KCNH1: variants seen among roughly 807,000 people sequenced by gnomAD.
KCNH1 encodes potassium voltage-gated channel subfamily H member 1, also known as voltage-gated delayed rectifier potassium channel KCNH1.
Under a neutral mutation model 69.2 loss-of-function variants are expected in KCNH1, and 27 were observed. The ratio of observed to expected loss-of-function variants is 0.39; its 90% CI spans 0.29 to 0.54. The LOEUF is 0.54. KCNH1 is among the 20% of genes least tolerant of loss of function. KCNH1 has a pLI of 0.68. For synonymous variants in KCNH1, 456 were observed against 487.7 expected, an observed-to-expected ratio of 0.93 and a Z score of 0.86; for missense variants, 798 against 1,261.6, an observed-to-expected ratio of 0.63 and a Z score of 5.57.
intron 7 of KCNH1, among the ~76,000 whole-genome samples, chr1:210,814,149 C>G (rs1684767586): frequency 6.6e-6 from 1 of 152,122 alleles, no homozygotes; most frequent in African/African-American, 2.4e-5. Context: ...GCTAGCAGAT[C>G]AATCCAGCAT....
chr1:211,101,316 TAC>T (rs112274416), intron 3 of KCNH1, among the ~76,000 whole-genome samples: 2 of 151,540 alleles, frequency 1.3e-5, no homozygotes, highest in East Asian at 3.9e-4. Context: ...AAAAAAACCA[TAC>T]ACACACACAC....
At chr1:210,957,693 T>C (rs1688205515) in intron 6 of KCNH1, among the ~76,000 whole-genome samples, 1 of 152,180 alleles carries the variant, frequency 6.6e-6, no homozygotes, top group African/African-American at 2.4e-5. Flanking sequence ...TCTTTTGATC[T>C]TTTTTGGTTT....
At chr1:210,750,299 T>C (rs1229625806) in intron 10 of KCNH1, among the ~76,000 whole-genome samples, 1 of 152,124 alleles carries the variant, frequency 6.6e-6, no homozygotes, top group East Asian at 1.9e-4. Flanking sequence ...TAAAGCAGAG[T>C]ACAGACGCTA....
intron 5 of KCNH1, among the ~76,000 whole-genome samples, chr1:211,033,551 T>C (rs995120581): frequency 3.3e-5 from 5 of 152,216 alleles, no homozygotes; most frequent in African/African-American, 1.2e-4. Context: ...TAAGAAAATG[T>C]GGCACATATA....
chr1:210,984,834 G>T (rs973507968), intron 6 of KCNH1, among the ~76,000 whole-genome samples: 13 of 152,188 alleles, frequency 8.5e-5, no homozygotes, highest in African/African-American at 3.1e-4. Flanking sequence ...TTTTTCTATT[G>T]ATTGGAATAG....
rs4951697 is a variant in KCNH1, at chr1:210,969,561, C to G, written c.1032+49222G>C. On this transcript the variant is annotated intron_variant, in intron 6 of 10. Coordinates refer to ENST00000271751, the MANE Select transcript of KCNH1 (RefSeq NM_172362.3). Reference sequence around the variant, plus strand: ...TTGGTCTAAGTTTTCAAACATACTGCTCTAAATGCTTAATTTTCTCTTACT... The same window carrying G: ...TTGGTCTAAGTTTTCAAACATACTGGTCTAAATGCTTAATTTTCTCTTACT... Among the ~76,000 whole-genome samples, 1,510 of 152,100 alleles carry G rather than the reference C, an allele frequency of 9.9e-3. 48 individuals are homozygous for G. The highest frequency in any genetic ancestry group is 0.054 in the East Asian group (281 of 5,174).
chr1:210,849,400 T>C (rs1357298090), intron 7 of KCNH1, among the ~76,000 whole-genome samples: 1 of 147,814 alleles, frequency 6.8e-6, no homozygotes, highest in African/African-American at 2.5e-5. Context: ...AGTTTTGCTC[T>C]TTTTTGCCCA....
chr1:210,924,254 T>C (rs577737135), intron 6 of KCNH1, among the ~76,000 whole-genome samples: 1 of 152,366 alleles, frequency 6.6e-6, no homozygotes, highest in East Asian at 1.9e-4. Context: ...ACATGCTACA[T>C]CAGCCCTAGG....
At chr1:210,917,966 T>C (rs1279393223) in intron 7 of KCNH1, among the ~76,000 whole-genome samples, 2 of 152,190 alleles carry the variant, frequency 1.3e-5, no homozygotes, top group African/African-American at 4.8e-5. Flanking sequence ...CAATTATCTC[T>C]ATTAAAACAC....
chr1:211,005,501 G>C (rs1689263785), intron 6 of KCNH1, among the ~76,000 whole-genome samples: 1 of 152,122 alleles, frequency 6.6e-6, no homozygotes. Context: ...CTGAAGACAA[G>C]TGAAGAAAGG....
chr1:210,857,369 T>G (rs1159909883), intron 7 of KCNH1, among the ~76,000 whole-genome samples: 2 of 152,120 alleles, frequency 1.3e-5, no homozygotes, highest in African/African-American at 4.8e-5. Context: ...ATTTTGTTTA[T>G]GCGTAAGGCC....
chr1:210,883,665 G>A (rs989721870), intron 7 of KCNH1, among the ~76,000 whole-genome samples: 1 of 152,214 alleles, frequency 6.6e-6, no homozygotes, highest in African/African-American at 2.4e-5. Flanking sequence ...GTGTTATTGA[G>A]AGGATTAAGA....
intron 6 of KCNH1, among the ~76,000 whole-genome samples, chr1:211,003,532 C>T (rs1689226677): frequency 6.6e-6 from 1 of 152,120 alleles, no homozygotes; most frequent in Non-Finnish European, 1.5e-5. Context: ...GCACTATCCC[C>T]TGCTGTTTCG....
At chr1:210,713,650 G>A (rs1178785052) in intron 10 of KCNH1, among the ~76,000 whole-genome samples, 1 of 152,142 alleles carries the variant, frequency 6.6e-6, no homozygotes, top group African/African-American at 2.4e-5. Flanking sequence ...CCATCCGTCT[G>A]CGATTTTTTC....
intron 1 of KCNH1, among the ~76,000 whole-genome samples, chr1:211,114,744 A>G (rs115522258): frequency 0.013 from 1,913 of 152,280 alleles, 46 homozygotes; most frequent in African/African-American, 0.044. Context: ...CCAAACATAA[A>G]TGACTCTGGG....
chr1:210,908,711 G>A (rs918554349), intron 7 of KCNH1, among the ~76,000 whole-genome samples: 6 of 152,202 alleles, frequency 3.9e-5, no homozygotes, highest in East Asian at 3.9e-4. Flanking sequence ...TAAGAAGGGG[G>A]CCCAGCCCTC....
intron 5 of KCNH1, among the ~76,000 whole-genome samples, chr1:211,033,142 C>A (rs1291027367): frequency 6.6e-6 from 1 of 152,124 alleles, no homozygotes. Context: ...ATTTATGCAG[C>A]CAAAAGACAC....
At chr1:210,996,468 G>C (rs573650321) in intron 6 of KCNH1, among the ~76,000 whole-genome samples, 1 of 152,346 alleles carries the variant, frequency 6.6e-6, no homozygotes, top group South Asian at 2.1e-4. Flanking sequence ...GCTTGATTAG[G>C]TAAACAAAGC....
In KCNH1 at chr1:210,683,864, G is replaced by T. The variant is rs770040641; in HGVS notation, c.2387C>A (p.Thr796Lys). The T allele has an allele frequency of 5.6e-6, 9 of 1,614,044 alleles. No homozygotes were observed. Among genetic ancestry groups the T allele is most frequent in the African/African-American group, 2.7e-5 (2 of 74,944 alleles). ...GGAGGCTGCCTGGAAGGATACGGGCGTGGCAGGACTCTCACGCACGGTGAC... is the reference window on the plus strand; with the variant it reads ...GGAGGCTGCCTGGAAGGATACGGGCTTGGCAGGACTCTCACGCACGGTGAC... ...SVVTVRESPA[T>K]PVSFQAASTS... Residue 796 changes from threonine to lysine, a missense_variant, in exon 11 of 11, where the codon ACG becomes AAG. Physicochemically the swap from Thr to Lys is moderately conservative, Grantham distance 78 (BLOSUM62 -1). Around this residue, in one of 4 missense-constraint regions of KCNH1, gnomAD observed 331 missense variants for 363.2 expected, o/e 0.91. Coordinates refer to ENST00000271751, the MANE Select transcript of KCNH1 (RefSeq NM_172362.3). This position sits in a 1 kb window ranked among gnomAD's most constrained non-coding sequence, Gnocchi z 5.7.
Sources: allele counts gnomAD v4.1 joint callset (sites outside exome capture counted in the v4.1 genomes callset), GRCh38; gene constraint gnomAD v4.1.1; regional missense constraint gnomAD v4.1.1; non-coding constraint Gnocchi (gnomAD v3.1); transcripts MANE v1.5; gene names NCBI Gene and HGNC (gene_info 2026-07-23, HGNC 2026-07-21).